Variants in XKR4 observed in about 807,000 individuals in gnomAD.
The protein encoded by XKR4 is XK related 4.
In XKR4, 12 loss-of-function variants were observed where a neutral mutation model predicts 53.9. The observed-to-expected ratio is 0.22, with a 90% CI of 0.14 to 0.36. XKR4 has a LOEUF of 0.36. Ranked by LOEUF, XKR4 falls within the 10% of genes least tolerant of loss-of-function variation. The probability of loss-of-function intolerance (pLI) is 1.00; values close to 1 mark genes in which losing one functional copy is unlikely to be tolerated. For synonymous variants in XKR4, 354 were observed against 362.4 expected, an observed-to-expected ratio of 0.98 and a Z score of 0.26; for missense variants, 799 against 859.5, an observed-to-expected ratio of 0.93 and a Z score of 0.88.
At chr8:55,479,197 G>T (rs180848512) in intron 2 of XKR4, among the ~76,000 whole-genome samples, 6 of 152,004 alleles carry the variant, frequency 3.9e-5, no homozygotes, top group Non-Finnish European at 7.4e-5. Context: ...ATAACAAACT[G>T]TCTCTCAGAC....
Position 55,524,136 on chromosome 8 carries a change from T to C in XKR4, c.1862T>C (p.Leu621Ser). The C allele has an allele frequency of 6.2e-7, 1 of 1,614,236 alleles. No individual in the cohort carries two copies. Among genetic ancestry groups the C allele is most frequent in the Non-Finnish European group, 8.5e-7 (1 of 1,180,044 alleles). The change falls in exon 3 of 3, where the codon TTA (leucine) becomes TCA (serine). Residue 621 changes from leucine (L) to serine (S), a missense_variant. This residue lies in a region of XKR4 where 269 missense variants were observed against 264.4 expected (regional missense o/e 1.02). Transcript: ENST00000327381. ...GACCGAAGCCTCCGAAAGGCTATTTTAGCTTTTGAATGTTCCCCATCTCCT... is the reference window on the plus strand; with the variant it reads ...GACCGAAGCCTCCGAAAGGCTATTTCAGCTTTTGAATGTTCCCCATCTCCT... ...VLDRSLRKAI[L>S]AFECSPSPPR... is the part of the protein sequence containing the mutation.
intron 1 of XKR4, among the ~76,000 whole-genome samples, chr8:55,286,630 G>C (rs544471614): frequency 5.3e-5 from 8 of 152,328 alleles, no homozygotes; most frequent in African/African-American, 1.7e-4. Context: ...CTGTCAGCCA[G>C]TGTTGTTCTG....
At chr8:55,319,149 C>A (rs1803169137) in intron 1 of XKR4, among the ~76,000 whole-genome samples, 1 of 152,036 alleles carries the variant, frequency 6.6e-6, no homozygotes, top group African/African-American at 2.4e-5. Context: ...AATACACTGA[C>A]AAAAATTCAT....
At chr8:55,514,985 A>G (rs1393004332) in intron 2 of XKR4, among the ~76,000 whole-genome samples, 1 of 152,218 alleles carries the variant, frequency 6.6e-6, no homozygotes, top group Non-Finnish European at 1.5e-5. Context: ...GAATGGAGCT[A>G]TGTGAGATTA....
intron 2 of XKR4, chr8:55,452,382 CG>C (rs1805464285): frequency 4.8e-6 from 3 of 627,574 alleles, no homozygotes; most frequent in Non-Finnish European, 8.7e-6. Context: ...GAAGATGACC[CG>C]GTACGTAGTG....
At position 55,385,216 on chromosome 8, in the gene XKR4, C is replaced by T. The variant is rs141106188; in HGVS notation, c.1006+27339C>T. Among the ~76,000 whole-genome samples, 398 of 152,020 alleles carry T rather than the reference C, an allele frequency of 2.6e-3. 4 individuals are homozygous for T. The highest frequency in any genetic ancestry group is 8.6e-3 in the African/African-American group (355 of 41,454). ...TTCCTCTCAGGCCCTGCCTACTCTC[C>T]GCCTCATCTTTCTTGTTTTCCCATC... On this transcript the variant is annotated intron_variant, in intron 2 of 2. Transcript: ENST00000327381.
At chr8:55,112,567 T>TTTG (rs1816246932) in intron 1 of XKR4, among the ~76,000 whole-genome samples, 1 of 133,370 alleles carries the variant, frequency 7.5e-6, no homozygotes, top group Admixed American at 7.5e-5. Flanking sequence ...TTCAGGTTTT[T>TTTG]TTTTTTTTTT....
chr8:55,458,758 C>T (rs2129397544), intron 2 of XKR4, among the ~76,000 whole-genome samples: 1 of 152,312 alleles, frequency 6.6e-6, no homozygotes, highest in South Asian at 2.1e-4. Context: ...TTCTCACTGA[C>T]ATCAAGCTGC....
At chr8:55,349,936 GA>G (rs1803702532) in intron 1 of XKR4, among the ~76,000 whole-genome samples, 1 of 151,954 alleles carries the variant, frequency 6.6e-6, no homozygotes, top group African/African-American at 2.4e-5. Context: ...AAATAACAAT[GA>G]CACATGATCC....
chr8:55,252,969 G>T (rs1323819485), intron 1 of XKR4, among the ~76,000 whole-genome samples: 2 of 152,138 alleles, frequency 1.3e-5, no homozygotes. Context: ...TTCAGGCAGG[G>T]GATGGAACAT....
chr8:55,156,093 G>T (rs1270071885), intron 1 of XKR4, among the ~76,000 whole-genome samples: 1 of 152,074 alleles, frequency 6.6e-6, no homozygotes, highest in African/African-American at 2.4e-5. Context: ...TCAAACCCAG[G>T]AAGGTGGCCT....
At chr8:55,186,833 G>A (rs1267075519) in intron 1 of XKR4, among the ~76,000 whole-genome samples, 1 of 151,944 alleles carries the variant, frequency 6.6e-6, no homozygotes, top group Non-Finnish European at 1.5e-5. Context: ...AGTAATAATA[G>A]TAATGAAATA....
At chr8:55,271,984 G>A (rs1050422274) in intron 1 of XKR4, among the ~76,000 whole-genome samples, 1 of 152,168 alleles carries the variant, frequency 6.6e-6, no homozygotes, top group Non-Finnish European at 1.5e-5. Context: ...ATATGGTCTA[G>A]CCTTGTCCAT....
chr8:55,330,374 C>A (rs1803365812), intron 1 of XKR4, among the ~76,000 whole-genome samples: 1 of 152,010 alleles, frequency 6.6e-6, no homozygotes. Context: ...ACCCCAGTAG[C>A]AAGAAATGTG....
chr8:55,161,582 G>T (rs768400622), intron 1 of XKR4: 12 of 456,188 alleles, frequency 2.6e-5, no homozygotes, highest in African/African-American at 6.0e-5. Context: ...TAGACAAGTT[G>T]TCTGCATTTG....
chr8:55,124,380 G>A (rs185632246), intron 1 of XKR4, among the ~76,000 whole-genome samples: 137 of 152,308 alleles, frequency 9.0e-4, no homozygotes, highest in African/African-American at 2.8e-3. Flanking sequence ...CCCTGAAGGC[G>A]GGACAAAAGG....
intron 2 of XKR4, among the ~76,000 whole-genome samples, chr8:55,374,017 C>G: frequency 6.6e-6 from 1 of 152,180 alleles, no homozygotes; most frequent in Admixed American, 6.5e-5. Flanking sequence ...AGGCCAAGTG[C>G]GGTAGCACAG....
chr8:55,258,554 C>T (rs1189053021), intron 1 of XKR4, among the ~76,000 whole-genome samples: 1 of 152,146 alleles, frequency 6.6e-6, no homozygotes, highest in Admixed American at 6.5e-5. Context: ...CATCAATGTC[C>T]ACCTCACAGA....
chr8:55,514,072 C>T (rs994155617), intron 2 of XKR4, among the ~76,000 whole-genome samples: 2 of 152,154 alleles, frequency 1.3e-5, no homozygotes, highest in Non-Finnish European at 2.9e-5. Flanking sequence ...AAATATATAT[C>T]TGGGCCTCTA....
Sources: allele counts gnomAD v4.1 joint callset (sites outside exome capture counted in the v4.1 genomes callset), GRCh38; gene constraint gnomAD v4.1.1; regional missense constraint gnomAD v4.1.1; transcripts MANE v1.5; gene names NCBI Gene and HGNC (gene_info 2026-07-23, HGNC 2026-07-21).